The following B4GALT1 variants were observed in gnomAD, a reference collection of about 807,000 sequenced individuals.
B4GALT1 encodes the protein N-acetyllactosamine synthase.
In B4GALT1, 16 loss-of-function variants were observed where a neutral mutation model predicts 34.9. That is an observed-to-expected ratio of 0.46 (90% CI 0.31 to 0.70). The LOEUF is 0.70. B4GALT1 is among the 30% of genes least tolerant of loss of function. The probability of loss-of-function intolerance (pLI) is 0.05; values close to 1 mark genes in which losing one functional copy is unlikely to be tolerated. For missense variants in B4GALT1, 445 were observed against 530.5 expected (o/e 0.84, Z 1.58); for synonymous variants, 221 against 218.1 (o/e 1.01, Z -0.12).
At chr9:33,120,257 G>A (rs1179989697) in intron 3 of B4GALT1, among the ~76,000 whole-genome samples, 162 bp downstream of exon 3, 1 of 151,962 alleles carries the variant, frequency 6.6e-6, no homozygotes, top group Admixed American at 6.6e-5. Context: ...AGGCATTTCT[G>A]GTCTCTTCTT....
intron 3 of B4GALT1, 105 bp from the exon 4 acceptor site, chr9:33,116,218 T>C: frequency 7.1e-7 from 1 of 1,405,434 alleles, no homozygotes; most frequent in Admixed American, 2.0e-5. Flanking sequence ...TTATTCTTTT[T>C]GCTTCTCTAG....
chr9:33,159,849 T>C (rs1291370498), intron 1 of B4GALT1, among the ~76,000 whole-genome samples: 3 of 152,212 alleles, frequency 2.0e-5, no homozygotes, highest in Admixed American at 2.0e-4. Context: ...AGAGCCACAG[T>C]AGTCCACAGA....
At chr9:33,167,960 A>G (rs557005320), upstream of B4GALT1, among the ~76,000 whole-genome samples, 13 of 152,326 alleles carry the variant, frequency 8.5e-5, no homozygotes, top group South Asian at 4.1e-4. Context: ...GTGCCTCCCC[A>G]TCAGGTAGCC....
chr9:33,137,373 G>GCA (rs1472164272), intron 1 of B4GALT1, among the ~76,000 whole-genome samples: 23 of 152,194 alleles, frequency 1.5e-4, no homozygotes, highest in African/African-American at 5.3e-4. Flanking sequence ...AGCTCAGGCA[G>GCA]CAGACCCTCT....
At chr9:33,105,881 T>TTTTTTTTG, downstream of B4GALT1, among the ~76,000 whole-genome samples, 1 of 12,374 alleles carries the variant, frequency 8.1e-5, no homozygotes, top group African/African-American at 2.4e-4. Context: ...GACTCGTGGG[T>TTTTTTTTG]TTTTTTTTTT....
chr9:33,147,252 T>C (rs1273002489), intron 1 of B4GALT1, among the ~76,000 whole-genome samples: 2 of 150,676 alleles, frequency 1.3e-5, no homozygotes, highest in African/African-American at 2.5e-5. Flanking sequence ...ATTCTTTTTT[T>C]TTTTTTTTTT....
upstream of B4GALT1, among the ~76,000 whole-genome samples, chr9:33,171,304 G>C (rs1341318954): frequency 6.6e-6 from 1 of 152,178 alleles, no homozygotes; most frequent in Admixed American, 6.5e-5. Flanking sequence ...TCTGGGGGCT[G>C]GAAACTCAGA....
intron 1 of B4GALT1, among the ~76,000 whole-genome samples, chr9:33,148,455 C>A (rs1424704846): frequency 1.3e-5 from 2 of 152,188 alleles, no homozygotes; most frequent in East Asian, 3.8e-4. Context: ...CATAAACATG[C>A]TCACACGTTG....
At chr9:33,139,610 G>A (rs1454564183) in intron 1 of B4GALT1, among the ~76,000 whole-genome samples, 1 of 152,226 alleles carries the variant, frequency 6.6e-6, no homozygotes, top group African/African-American at 2.4e-5. Flanking sequence ...CTGCCATACT[G>A]CAGGGACCAT....
downstream of B4GALT1, chr9:33,108,823 C>T (rs1386619633): frequency 6.6e-6 from 1 of 152,056 alleles, no homozygotes; most frequent in African/African-American, 2.4e-5. Flanking sequence ...ATATATTTGG[C>T]CTCTGCGCTG....
chr9:33,150,233 T>TACACACACACACACACACACACACAC, intron 1 of B4GALT1, among the ~76,000 whole-genome samples: 1 of 138,170 alleles, frequency 7.2e-6, no homozygotes, highest in Middle Eastern at 3.5e-3. Flanking sequence ...TACAGGTAGA[T>TACACACACACACACACACACACACAC]ACACACACAC....
chr9:33,125,672 A>G (rs1840081651), intron 2 of B4GALT1, among the ~76,000 whole-genome samples: 1 of 152,158 alleles, frequency 6.6e-6, no homozygotes, highest in African/African-American at 2.4e-5. Flanking sequence ...GAGGTTCAGG[A>G]CAGGTGCTAG....
intron 2 of B4GALT1, among the ~76,000 whole-genome samples, chr9:33,122,334 A>T (rs1334255621): frequency 2.6e-5 from 4 of 152,038 alleles, no homozygotes. Context: ...CCTGAGCAAC[A>T]TGGTGAGACT....
chr9:33,156,027 T>G (rs560324368), intron 1 of B4GALT1, among the ~76,000 whole-genome samples: 53 of 152,028 alleles, frequency 3.5e-4, no homozygotes, highest in African/African-American at 1.3e-3. Context: ...TGCTGCAGAA[T>G]GCAGTCAAAG....
intron 1 of B4GALT1, among the ~76,000 whole-genome samples, chr9:33,143,468 G>A (rs565925321): frequency 2.6e-5 from 4 of 152,224 alleles, no homozygotes; most frequent in Non-Finnish European, 5.9e-5. Context: ...AGTTGCTTTC[G>A]CAATGCTGGT....
chr9:33,170,547 T>C (rs1840830997), upstream of B4GALT1, among the ~76,000 whole-genome samples: 1 of 152,156 alleles, frequency 6.6e-6, no homozygotes, highest in Non-Finnish European at 1.5e-5. Flanking sequence ...GAGACAGGAC[T>C]GCGGGGGTTA....
chr9:33,126,161 A>C (rs1451585510), intron 2 of B4GALT1, among the ~76,000 whole-genome samples: 1 of 152,178 alleles, frequency 6.6e-6, no homozygotes, highest in Non-Finnish European at 1.5e-5. Context: ...TGTTTGCTGA[A>C]ACACCCTCTG....
In B4GALT1 at chr9:33,113,044, A is replaced by C; in HGVS notation, c.*410T>G. 3.5e-6 allele frequency: 1 copy of C among 287,116 alleles called. No individual in the cohort carries two copies. Among genetic ancestry groups the C allele is most frequent in the South Asian group, 3.4e-5 (1 of 29,504 alleles). The allele number at this position is 287,116 out of a possible 1,614,324, so 17.8% of individuals were successfully genotyped here. On this transcript the variant is annotated 3_prime_UTR_variant, in exon 6 of 6. Coordinates refer to ENST00000379731, the MANE Select transcript of B4GALT1 (RefSeq NM_001497.4). ...TTACAACTACCAAAAAGATCACACCAATCCAATTTTAGCAGCACTCTCCGA... is the reference window on the plus strand; with the variant it reads ...TTACAACTACCAAAAAGATCACACCCATCCAATTTTAGCAGCACTCTCCGA...
chr9:33,126,771 T>G (rs915742442), intron 2 of B4GALT1, among the ~76,000 whole-genome samples: 4 of 151,448 alleles, frequency 2.6e-5, no homozygotes, highest in Admixed American at 2.6e-4. Flanking sequence ...GCTATGGGAG[T>G]GGTTCTTGGT....
Sources: gnomAD v4.1 joint callset for allele counts (sites outside exome capture counted in the v4.1 genomes callset) on GRCh38, gnomAD v4.1.1 for gene constraint, MANE v1.5 for transcripts, NCBI Gene and HGNC (gene_info 2026-07-23, HGNC 2026-07-21) for gene names.